CFAP141: variants seen among roughly 807,000 people sequenced by gnomAD.
CFAP141 encodes cilia and flagella associated protein 141, also known as cilia- and flagella-associated protein 141.
At chr1:154,202,229 T>C in the CFAP141 span, among the ~76,000 whole-genome samples, 1 of 151,956 alleles carries the variant, frequency 6.6e-6, no homozygotes, top group African/African-American at 2.4e-5. Flanking sequence ...TAAGCCACCA[T>C]GCCTGGCTGC....
chr1:154,200,677 T>C, the CFAP141 span: 1 of 1,384,980 alleles, frequency 7.2e-7, no homozygotes, highest in Non-Finnish European at 9.9e-7. Flanking sequence ...TGTTTCTTTT[T>C]TCTTTTTCTT....
chr1:154,199,517 A>G, the CFAP141 span: 1 of 1,609,640 alleles, frequency 6.2e-7, no homozygotes, highest in East Asian at 2.2e-5. Context: ...GGTGCAGGGC[A>G]GCTTGACGGA....
chr1:154,200,009 G>A, the CFAP141 span, among the ~76,000 whole-genome samples: 1 of 152,140 alleles, frequency 6.6e-6, no homozygotes, highest in East Asian at 1.9e-4. Context: ...CAAGTAGCTG[G>A]GATTATAGGC....
At chr1:154,206,174 G>GT in the CFAP141 span, 1 of 1,096,816 alleles carries the variant, frequency 9.1e-7, no homozygotes, top group Non-Finnish European at 1.4e-6. Context: ...TTATACCCTT[G>GT]TTACATCAAA....
the CFAP141 span, chr1:154,206,290 C>T: frequency 4.3e-6 from 7 of 1,614,118 alleles, no homozygotes; most frequent in East Asian, 1.1e-4. Context: ...CTACTTTTGT[C>T]ATCTTTTCCA....
At chr1:154,205,228 G>T in the CFAP141 span, among the ~76,000 whole-genome samples, 1 of 152,138 alleles carries the variant, frequency 6.6e-6, no homozygotes, top group Admixed American at 6.6e-5. Flanking sequence ...AGGATACGTA[G>T]CCCAGTCTTG....
the CFAP141 span, among the ~76,000 whole-genome samples, chr1:154,203,305 G>C: frequency 7.0e-6 from 1 of 142,236 alleles, no homozygotes; most frequent in Non-Finnish European, 1.5e-5. Flanking sequence ...TGTTGCCCAG[G>C]CTGGAGTGCA....
chr1:154,205,627 C>G, the CFAP141 span: 4 of 1,613,968 alleles, frequency 2.5e-6, no homozygotes, highest in Non-Finnish European at 3.4e-6. Context: ...GTCCCATGGC[C>G]TTTTGAAAAC....
the CFAP141 span, among the ~76,000 whole-genome samples, chr1:154,203,202 T>TATATAC: frequency 3.5e-5 from 2 of 57,440 alleles, no homozygotes; most frequent in South Asian, 6.2e-4. Context: ...TATATATATA[T>TATATAC]ATATATATAT....
the CFAP141 span, chr1:154,206,186 G>T: frequency 8.1e-7 from 1 of 1,238,752 alleles, no homozygotes; most frequent in Non-Finnish European, 1.2e-6. Flanking sequence ...TACATCAAAA[G>T]CCTTTCCCAG....
chr1:154,201,819 A>G, the CFAP141 span, among the ~76,000 whole-genome samples: 1 of 151,592 alleles, frequency 6.6e-6, no homozygotes, highest in African/African-American at 2.4e-5. Context: ...CGCCCAGGCC[A>G]GAGTGCAATG....
At chr1:154,204,900 G>A in the CFAP141 span, among the ~76,000 whole-genome samples, 1 of 144,886 alleles carries the variant, frequency 6.9e-6, no homozygotes, top group African/African-American at 2.6e-5. Context: ...TAGAGACGGA[G>A]TCTTGCTCTG....
At chr1:154,204,691 G>T in the CFAP141 span, among the ~76,000 whole-genome samples, 5 of 151,644 alleles carry the variant, frequency 3.3e-5, no homozygotes, top group African/African-American at 1.2e-4. Context: ...TCTCCTGAGT[G>T]GCTGAGACTA....
At chr1:154,205,175 C>T in the CFAP141 span, among the ~76,000 whole-genome samples, 12 of 152,220 alleles carry the variant, frequency 7.9e-5, no homozygotes, top group South Asian at 2.1e-4. Context: ...TGAGCCACCG[C>T]GCCCGGCTGC....
the CFAP141 span, chr1:154,200,422 A>G: frequency 7.5e-6 from 12 of 1,610,300 alleles, no homozygotes; most frequent in South Asian, 9.9e-5. Context: ...ACACAGCAGT[A>G]GTGAATGAGA....
At chr1:154,201,475 C>A in the CFAP141 span, among the ~76,000 whole-genome samples, 2 of 151,734 alleles carry the variant, frequency 1.3e-5, no homozygotes, top group African/African-American at 4.8e-5. Flanking sequence ...GCAATCTCTG[C>A]CTCCAGGGTT....
the CFAP141 span, chr1:154,199,413 T>C: frequency 6.4e-7 from 1 of 1,557,758 alleles, no homozygotes; most frequent in Non-Finnish European, 8.8e-7. Context: ...GGAAGAGCAG[T>C]GTTTTGGATG....
the CFAP141 span, chr1:154,205,605 C>A: frequency 1.2e-6 from 2 of 1,613,986 alleles, no homozygotes; most frequent in African/African-American, 2.7e-5. Context: ...TACCTGTCGA[C>A]CGTCTTCTTA....
chr1:154,203,905 A>G, the CFAP141 span, among the ~76,000 whole-genome samples: 2 of 152,208 alleles, frequency 1.3e-5, no homozygotes, highest in Admixed American at 6.5e-5. Flanking sequence ...CGAAACCCCA[A>G]CGTGGTGAAA....
Sources: allele counts gnomAD v4.1 joint callset (sites outside exome capture counted in the v4.1 genomes callset), GRCh38; gene constraint gnomAD v4.1.1; transcripts MANE v1.5; gene names NCBI Gene and HGNC (gene_info 2026-07-23, HGNC 2026-07-21).